The following DOCK2 variants were observed in gnomAD, a reference collection of about 807,000 sequenced individuals.
DOCK2 encodes the protein dedicator of cytokinesis protein 2.
In DOCK2, 87 loss-of-function variants were observed where a neutral mutation model predicts 248.9. The observed-to-expected ratio is 0.35, with a 90% CI of 0.29 to 0.42. DOCK2 has a LOEUF of 0.42. Among genes scored for constraint, DOCK2 ranks in the 10% least tolerant of loss-of-function variants. The pLI is 1.00. For missense variants in DOCK2, 1,747 were observed against 2,300.2 expected (o/e 0.76, Z 4.92); for synonymous variants, 805 against 821.6 (o/e 0.98, Z 0.35).
chr5:169,887,774 C>T (rs1384029312), intron 27 of DOCK2, among the ~76,000 whole-genome samples: 1 of 152,150 alleles, frequency 6.6e-6, no homozygotes, highest in Non-Finnish European at 1.5e-5. Flanking sequence ...AGTAGCTGTG[C>T]ATTTTAGATT....
intron 26 of DOCK2, among the ~76,000 whole-genome samples, chr5:169,831,966 G>T (rs573498269): frequency 4.9e-4 from 75 of 152,288 alleles, no homozygotes; most frequent in African/African-American, 1.8e-3. Context: ...GAAAGAAGTT[G>T]CCAGAGAAGT....
At chr5:169,739,552 A>G (rs977727337) in intron 22 of DOCK2, among the ~76,000 whole-genome samples, 2 of 152,246 alleles carry the variant, frequency 1.3e-5, no homozygotes, top group Non-Finnish European at 2.9e-5. Flanking sequence ...TGGGCATGTT[A>G]TACCTAATCC....
chr5:169,869,383 C>G (rs531455645), intron 27 of DOCK2, among the ~76,000 whole-genome samples: 1 of 152,312 alleles, frequency 6.6e-6, no homozygotes, highest in Non-Finnish European at 1.5e-5. Flanking sequence ...CAAGGCCAGG[C>G]AAATAGCAGA....
chr5:169,783,891 C>G (rs1314436394), intron 25 of DOCK2, among the ~76,000 whole-genome samples: 1 of 152,090 alleles, frequency 6.6e-6, no homozygotes, highest in African/African-American at 2.4e-5. Flanking sequence ...TGTTTTTTCC[C>G]CTCACAATCT....
chr5:169,754,190 C>T (rs262860), intron 23 of DOCK2, among the ~76,000 whole-genome samples: 47,956 of 151,986 alleles, frequency 0.32, 10,748 homozygotes, highest in African/African-American at 0.62. Context: ...ACAAGTCCCT[C>T]TGAGTTTGGA....
At chr5:169,930,566 T>C (rs1355109206) in intron 27 of DOCK2, among the ~76,000 whole-genome samples, 1 of 152,186 alleles carries the variant, frequency 6.6e-6, no homozygotes, top group African/African-American at 2.4e-5. Context: ...CTATAGATAA[T>C]AAGAAAGTCC....
At chr5:170,002,235 C>T (rs573777555) in intron 30 of DOCK2, among the ~76,000 whole-genome samples, 5 of 53,254 alleles carry the variant, frequency 9.4e-5, no homozygotes, top group African/African-American at 5.8e-4. Flanking sequence ...CTGTTGCTAG[C>T]GAAAAAAAAA....
intron 33 of DOCK2, among the ~76,000 whole-genome samples, chr5:170,023,320 C>T (rs1301324306): frequency 6.6e-6 from 1 of 152,120 alleles, no homozygotes; most frequent in Non-Finnish European, 1.5e-5. Context: ...ACGGAGATAG[C>T]CATGTTAGCA....
chr5:169,701,273 A>G (rs1489614336), intron 13 of DOCK2, among the ~76,000 whole-genome samples: 1 of 152,160 alleles, frequency 6.6e-6, no homozygotes, highest in Non-Finnish European at 1.5e-5. Context: ...CTTCAAACTA[A>G]ATTTGTTGTA....
At chr5:170,010,431 C>T (rs536703766) in intron 32 of DOCK2, among the ~76,000 whole-genome samples, 19 of 152,118 alleles carry the variant, frequency 1.2e-4, no homozygotes, top group Admixed American at 3.9e-4. Flanking sequence ...CAGGCCCACA[C>T]GACAGCCGGC....
At chr5:169,934,081 A>T (rs1775879437) in intron 27 of DOCK2, among the ~76,000 whole-genome samples, 1 of 152,202 alleles carries the variant, frequency 6.6e-6, no homozygotes, top group African/African-American at 2.4e-5. Context: ...TCACATTTGT[A>T]GCACACCTCA....
chr5:169,705,632 T>G (rs978273959), intron 14 of DOCK2, among the ~76,000 whole-genome samples: 2 of 152,184 alleles, frequency 1.3e-5, no homozygotes, highest in Non-Finnish European at 2.9e-5. Flanking sequence ...AATTTAGCTA[T>G]TATTATTAGA....
At chr5:169,912,940 T>G (rs1281906451) in intron 27 of DOCK2, among the ~76,000 whole-genome samples, 1 of 152,202 alleles carries the variant, frequency 6.6e-6, no homozygotes, top group African/African-American at 2.4e-5. Context: ...GTCTGCAGTT[T>G]TGAAGAAAGA....
intron 27 of DOCK2, among the ~76,000 whole-genome samples, chr5:169,850,424 G>T (rs920924341): frequency 2.0e-5 from 3 of 152,114 alleles, no homozygotes; most frequent in Non-Finnish European, 4.4e-5. Flanking sequence ...ATTTAATTGA[G>T]AAAATTCCTG....
chr5:170,051,221 G>C (rs1467326145), intron 41 of DOCK2, among the ~76,000 whole-genome samples: 1 of 152,142 alleles, frequency 6.6e-6, no homozygotes, highest in Non-Finnish European at 1.5e-5. Flanking sequence ...AAACTGAAAT[G>C]ACGCCATATT....
Position 169,859,205 on chromosome 5 carries a change from A to G in DOCK2, c.2799+18353A>G, listed in dbSNP as rs144565545. ...ACCAAACTCTGTGTGTTGCCAACGG[A>G]TGCATCCCTGCTCTTTATGGGCTGA... On this transcript the variant is annotated intron_variant, in intron 27 of 51. Coordinates refer to ENST00000520908, the MANE Select transcript of DOCK2 (RefSeq NM_004946.3). Among the ~76,000 whole-genome samples the G allele has an allele frequency of 1.2e-3, 182 of 152,232 alleles. 1 individual carries two copies. Among genetic ancestry groups the G allele is most frequent in the Middle Eastern group, 3.4e-3 (1 of 294 alleles).
intron 1 of DOCK2, among the ~76,000 whole-genome samples, chr5:169,644,635 T>A (rs1202645278): frequency 2.0e-5 from 3 of 151,548 alleles, no homozygotes; most frequent in East Asian, 1.9e-4. Flanking sequence ...TTTTTTTTTT[T>A]AATTTTACTG....
At chr5:169,845,906 A>T (rs1270571064) in intron 27 of DOCK2, among the ~76,000 whole-genome samples, 1 of 152,210 alleles carries the variant, frequency 6.6e-6, no homozygotes, top group Admixed American at 6.5e-5. Context: ...TCATAAAATG[A>T]GCCTTTCCAG....
chr5:169,848,828 A>G (rs1254110932), intron 27 of DOCK2, among the ~76,000 whole-genome samples: 1 of 152,134 alleles, frequency 6.6e-6, no homozygotes, highest in African/African-American at 2.4e-5. Context: ...AGGAAATTGG[A>G]AGTCACCTTT....
Sources: gnomAD v4.1 joint callset for allele counts (sites outside exome capture counted in the v4.1 genomes callset) on GRCh38, gnomAD v4.1.1 for gene constraint, MANE v1.5 for transcripts, NCBI Gene and HGNC (gene_info 2026-07-23, HGNC 2026-07-21) for gene names.